Variants in ZDHHC14 observed in about 807,000 individuals in gnomAD.
ZDHHC14 encodes zDHHC palmitoyltransferase 14, also known as palmitoyltransferase ZDHHC14.
In ZDHHC14, 16 loss-of-function variants were observed where a neutral mutation model predicts 47.7. The ratio of observed to expected loss-of-function variants is 0.34; its 90% CI spans 0.23 to 0.51. ZDHHC14 has a LOEUF of 0.51. Ranked by LOEUF, ZDHHC14 falls within the 20% of genes least tolerant of loss-of-function variation. ZDHHC14 has a pLI of 0.97. For missense variants in ZDHHC14, 515 were observed against 662.5 expected (o/e 0.78, Z 2.44); for synonymous variants, 293 against 278.9 (o/e 1.05, Z -0.50).
At chr6:157,613,620 G>A (rs2114926751) in intron 3 of ZDHHC14, among the ~76,000 whole-genome samples, 1 of 152,260 alleles carries the variant, frequency 6.6e-6, no homozygotes, top group East Asian at 1.9e-4. Context: ...TGCCTTCTTA[G>A]AACAGCTCAG....
At chr6:157,397,949 T>C (rs1482605460) in intron 1 of ZDHHC14, among the ~76,000 whole-genome samples, 2 of 152,006 alleles carry the variant, frequency 1.3e-5, no homozygotes, top group Non-Finnish European at 2.9e-5. Context: ...CAAACCCAAC[T>C]GCCAGGGGAG....
intron 1 of ZDHHC14, among the ~76,000 whole-genome samples, chr6:157,422,476 C>T (rs2114771649): frequency 6.6e-6 from 1 of 152,320 alleles, no homozygotes; most frequent in East Asian, 1.9e-4. Context: ...AAGCTAAACT[C>T]AGCAGCCTCT....
chr6:157,415,896 T>G (rs566404873), intron 1 of ZDHHC14, among the ~76,000 whole-genome samples: 47 of 150,286 alleles, frequency 3.1e-4, no homozygotes, highest in South Asian at 1.0e-3. Context: ...AAGAAAAAGT[T>G]GTTGGCAAAA....
intron 3 of ZDHHC14, among the ~76,000 whole-genome samples, chr6:157,609,205 G>C (rs763357092): frequency 8.5e-4 from 130 of 152,260 alleles, no homozygotes; most frequent in Non-Finnish European, 1.3e-4. Context: ...TGAGGACCTC[G>C]AAACAGTGGG....
intron 1 of ZDHHC14, among the ~76,000 whole-genome samples, chr6:157,506,719 ATATAT>A (rs1466731190): frequency 1.3e-5 from 2 of 152,170 alleles, no homozygotes; most frequent in African/African-American, 4.8e-5. Flanking sequence ...CTGACGACAG[ATATAT>A]TTTATATTGG....
At chr6:157,539,790 C>T (rs1239242455) in intron 1 of ZDHHC14, among the ~76,000 whole-genome samples, 3 of 151,984 alleles carry the variant, frequency 2.0e-5, no homozygotes, top group Admixed American at 1.3e-4. Context: ...CTGCAGCTGG[C>T]GAGCTGGGGT....
chr6:157,492,015 C>T (rs530616550), intron 1 of ZDHHC14, among the ~76,000 whole-genome samples: 6 of 152,348 alleles, frequency 3.9e-5, no homozygotes, highest in East Asian at 1.9e-4. Flanking sequence ...CGGGGCTCCC[C>T]GCCAGAACAC....
rs559322633 is a variant in ZDHHC14 at position 157,663,180 on chromosome 6, G to A, written c.1069-9544G>A. On this transcript the variant is annotated intron_variant, in intron 8 of 8. Coordinates refer to ENST00000359775, the MANE Select transcript of ZDHHC14 (RefSeq NM_024630.3). ...GTTGCTTCTGGAAGAAGTCCTTTTGGTCTCAAGGCTTCTACCCCCCTGGGA... is the reference window on the plus strand; with the variant it reads ...GTTGCTTCTGGAAGAAGTCCTTTTGATCTCAAGGCTTCTACCCCCCTGGGA... Among the ~76,000 whole-genome samples the A allele has an allele frequency of 4.6e-5, 7 of 152,338 alleles. No individual in the cohort carries two copies. The South Asian group carries it at 1.5e-3, about 32-fold the overall frequency.
intron 2 of ZDHHC14, among the ~76,000 whole-genome samples, chr6:157,545,372 A>T (rs1242114258): frequency 1.3e-5 from 2 of 148,742 alleles, no homozygotes; most frequent in African/African-American, 2.5e-5. Flanking sequence ...CTCTATGAAG[A>T]TGTAAAAAAA....
At chr6:157,446,556 C>T (rs1025430079) in intron 1 of ZDHHC14, among the ~76,000 whole-genome samples, 9 of 151,956 alleles carry the variant, frequency 5.9e-5, no homozygotes, top group Non-Finnish European at 1.2e-4. Context: ...ATTACAGGTG[C>T]GTACCACCAT....
chr6:157,650,968 A>AC (rs1777805380), intron 7 of ZDHHC14, among the ~76,000 whole-genome samples: 1 of 150,214 alleles, frequency 6.7e-6, no homozygotes, highest in East Asian at 2.0e-4. Context: ...TCCTCTGAGG[A>AC]CCCCCCATTG....
chr6:157,660,192 T>C (rs1229562398), intron 8 of ZDHHC14, among the ~76,000 whole-genome samples: 6 of 151,712 alleles, frequency 4.0e-5, no homozygotes, highest in Admixed American at 3.3e-4. Flanking sequence ...TTTTTTCTTT[T>C]TTTTTTTTTT....
intron 7 of ZDHHC14, among the ~76,000 whole-genome samples, chr6:157,648,213 T>C (rs926952676): frequency 2.0e-5 from 3 of 152,336 alleles, no homozygotes; most frequent in Non-Finnish European, 1.5e-5. Flanking sequence ...CAAATAGATA[T>C]TGAGCAAATC....
intron 2 of ZDHHC14, among the ~76,000 whole-genome samples, chr6:157,564,053 C>T (rs1378001118): frequency 1.3e-5 from 2 of 152,220 alleles, no homozygotes; most frequent in African/African-American, 4.8e-5. Flanking sequence ...GGAAACTGGG[C>T]TGGAAATTCA....
Position 157,502,450 on chromosome 6 carries a change from A to G in ZDHHC14, c.246-40135A>G, listed in dbSNP as rs17165375. Among the ~76,000 whole-genome samples, 4,271 of 152,224 alleles carry G rather than the reference A, an allele frequency of 0.028. 174 individuals are homozygous for G. Among genetic ancestry groups the G allele is most frequent in the African/African-American group, 0.097 (4,037 of 41,508 alleles). On this transcript the variant is annotated intron_variant, in intron 1 of 8. Coordinates refer to ENST00000359775, the MANE Select transcript of ZDHHC14 (RefSeq NM_024630.3). This position sits in a 1 kb window ranked among gnomAD's most constrained non-coding sequence, Gnocchi z 4.0. ...GCAACTATTCTGAATGATCCTGTTCAAGGGTTTTCAAAACCTGCCTTGGAA... is the reference window on the plus strand; with the variant it reads ...GCAACTATTCTGAATGATCCTGTTCGAGGGTTTTCAAAACCTGCCTTGGAA...
chr6:157,588,794 C>A (rs1582984095), intron 2 of ZDHHC14, among the ~76,000 whole-genome samples: 5 of 152,034 alleles, frequency 3.3e-5, no homozygotes, highest in Middle Eastern at 3.4e-3. Flanking sequence ...TATTTACTGG[C>A]ACCCCACAGT....
intron 2 of ZDHHC14, among the ~76,000 whole-genome samples, chr6:157,554,102 A>G (rs1033497857): frequency 1.3e-5 from 2 of 152,264 alleles, no homozygotes; most frequent in Non-Finnish European, 2.9e-5. Flanking sequence ...CACAAGTCCA[A>G]GTGGGTGAAT....
intron 1 of ZDHHC14, among the ~76,000 whole-genome samples, chr6:157,416,481 G>A (rs1214609026): frequency 2.6e-5 from 4 of 151,558 alleles, no homozygotes; most frequent in African/African-American, 9.7e-5. Flanking sequence ...TGGGCAACAC[G>A]GTGAGACCTT....
intron 2 of ZDHHC14, among the ~76,000 whole-genome samples, chr6:157,572,856 T>C (rs541802490): frequency 6.7e-6 from 1 of 149,434 alleles, no homozygotes; most frequent in African/African-American, 2.4e-5. Context: ...CTCTATTAAG[T>C]AGACAGAAAA....
Sources: allele counts gnomAD v4.1 joint callset (sites outside exome capture counted in the v4.1 genomes callset), GRCh38; gene constraint gnomAD v4.1.1; non-coding constraint Gnocchi (gnomAD v3.1); transcripts MANE v1.5; gene names NCBI Gene and HGNC (gene_info 2026-07-23, HGNC 2026-07-21).